Variants in SCARB2 observed in about 807,000 individuals in gnomAD.
SCARB2 encodes the protein lysosome membrane protein 2.
Under a neutral mutation model 58.6 loss-of-function variants are expected in SCARB2, and 29 were observed. The ratio of observed to expected loss-of-function variants is 0.49; its 90% CI spans 0.37 to 0.67. The LOEUF is 0.67. Ranked by LOEUF, SCARB2 falls within the 30% of genes least tolerant of loss-of-function variation. The pLI, the probability that SCARB2 is intolerant of heterozygous loss-of-function variation, is 0.00. For missense variants in SCARB2, 488 were observed against 578.5 expected (o/e 0.84, Z 1.60); for synonymous variants, 195 against 210.1 (o/e 0.93, Z 0.62).
rs1732065465 is a variant in SCARB2 at position 76,168,685 on chromosome 4, A to G, written c.1114-209T>C. On this transcript the variant is annotated intron_variant, in intron 8 of 11. Transcript: ENST00000264896. ...TGGCTGATAGACCAGTGTGTCTCAA[A>G]CATGAGTATGAATGTAGGTCCTTGG... Among the ~76,000 whole-genome samples the G allele has an allele frequency of 2.0e-5, 3 of 152,344 alleles. No individual in the cohort carries two copies. The South Asian group carries it at 6.2e-4, about 32-fold the overall frequency.
At chr4:76,224,910 C>A (rs1328207159) in intron 1 of SCARB2, among the ~76,000 whole-genome samples, 1 of 152,010 alleles carries the variant, frequency 6.6e-6, no homozygotes, top group Non-Finnish European at 1.5e-5. Context: ...GCCTCCTACC[C>A]TTCCCCCCAA....
At chr4:76,216,678 G>A (rs183892589), upstream of SCARB2, among the ~76,000 whole-genome samples, 1 of 152,284 alleles carries the variant, frequency 6.6e-6, no homozygotes, top group East Asian at 1.9e-4. Context: ...TGCTCTCTGA[G>A]GATCTCACTC....
rs992486014 is a variant in SCARB2, at chr4:76,160,742, A to G, written c.*971T>C. Reference sequence around the variant, plus strand: ...ATCAGACTTTCTGAAACTTATGTGTAACTTAGGCTGTAGATAGATGGATTT... The same window carrying G: ...ATCAGACTTTCTGAAACTTATGTGTGACTTAGGCTGTAGATAGATGGATTT... On this transcript the variant is annotated 3_prime_UTR_variant, in exon 12 of 12. Transcript: ENST00000264896. 4 of 152,218 alleles carry G rather than the reference A, an allele frequency of 2.6e-5. No individual in the cohort carries two copies. The highest frequency in any genetic ancestry group is 5.9e-5 in the Non-Finnish European group (4 of 68,034). The allele number at this position is 152,218 out of a possible 1,614,324, so 9.4% of individuals were successfully genotyped here. A position where few individuals can be genotyped will look rare whatever the true frequency, so the allele number is the denominator to read the frequency against.
chr4:76,182,062 T>C (rs560779358), intron 2 of SCARB2, among the ~76,000 whole-genome samples: 1 of 152,242 alleles, frequency 6.6e-6, no homozygotes, highest in Admixed American at 6.5e-5. Context: ...TGCCAAAAAT[T>C]TATGATGAAC....
intron 8 of SCARB2, among the ~76,000 whole-genome samples, chr4:76,169,341 C>CA (rs3217498): frequency 6.6e-6 from 1 of 151,124 alleles, no homozygotes; most frequent in Admixed American, 6.6e-5. Flanking sequence ...CACACACACA[C>CA]GTGTGTATGT....
At chr4:76,200,377 C>T (rs933639352) in intron 1 of SCARB2, among the ~76,000 whole-genome samples, 19 of 152,308 alleles carry the variant, frequency 1.2e-4, no homozygotes, top group African/African-American at 4.3e-4. Flanking sequence ...AATTTTTCCA[C>T]GCACAATACT....
At chr4:76,165,503 A>G (rs539235115) in intron 10 of SCARB2, 1 of 152,216 alleles carries the variant, frequency 6.6e-6, no homozygotes, top group Admixed American at 6.5e-5. Context: ...TTTTATAAAG[A>G]GCACATGTTT....
intron 1 of SCARB2, among the ~76,000 whole-genome samples, chr4:76,197,695 A>C (rs564627085): frequency 2.0e-5 from 3 of 152,190 alleles, no homozygotes; most frequent in Non-Finnish European, 4.4e-5. Flanking sequence ...TACTGTAAAA[A>C]CGGCTGAAAT....
intron 1 of SCARB2, among the ~76,000 whole-genome samples, chr4:76,198,907 G>A (rs965352145): frequency 3.9e-4 from 59 of 151,760 alleles, no homozygotes; most frequent in African/African-American, 1.3e-3. Context: ...GAAGAGAGAT[G>A]GGGAATGAGA....
chr4:76,213,529 G>C lies in SCARB2; in HGVS notation c.15C>G (p.Cys5Trp), dbSNP rs1197894388. The part of the protein sequence containing the change: MGRC[C>W]FYTAGTLSLL... ...GGGACAACGTCCCCGCCGTGTAGAA[G>C]CAGCATCGGCCCATTCTGTGCGCCG... Residue 5 changes from cysteine to tryptophan, a missense_variant, in exon 1 of 12, where the codon TGC becomes TGG. Transcript: ENST00000264896. The C allele has an allele frequency of 6.2e-7, 1 of 1,609,936 alleles. No individual in the cohort carries two copies. Among genetic ancestry groups the C allele is most frequent in the South Asian group, 1.1e-5 (1 of 90,254 alleles).
At chr4:76,162,946 A>G (rs546103067) in intron 11 of SCARB2, 1 of 595,492 alleles carries the variant, frequency 1.7e-6, no homozygotes, top group African/African-American at 1.9e-5. Context: ...CTTTCAGGTT[A>G]TTGTTTTCAA....
chr4:76,223,347 T>A (rs1269564161), intron 1 of SCARB2, among the ~76,000 whole-genome samples: 1 of 152,172 alleles, frequency 6.6e-6, no homozygotes, highest in African/African-American at 2.4e-5. Context: ...ATCTGCATCC[T>A]GGGGAGTGGT....
At chr4:76,225,655 T>C (rs770845793) in intron 1 of SCARB2, among the ~76,000 whole-genome samples, 20 of 152,254 alleles carry the variant, frequency 1.3e-4, no homozygotes, top group Admixed American at 1.1e-3. Context: ...CAAATGATCT[T>C]TGTTTTTAAT....
chr4:76,180,456 G>C (rs1357305828), intron 3 of SCARB2: 1 of 152,750 alleles, frequency 6.5e-6, no homozygotes, highest in East Asian at 1.9e-4. Flanking sequence ...TCGTTATTAG[G>C]TAGAATTACC....
chr4:76,234,100 G>A (rs1178249756), intron 1 of SCARB2, among the ~76,000 whole-genome samples: 1 of 152,186 alleles, frequency 6.6e-6, no homozygotes, highest in Non-Finnish European at 1.5e-5. Context: ...GCGGCACCTT[G>A]GGCCATGTGT....
Position 76,185,935 on chromosome 4 carries a change from T to C in SCARB2, c.276-4834A>G, listed in dbSNP as rs995245371. 5.9e-5 allele frequency among the ~76,000 whole-genome samples: 9 copies of C among 152,346 alleles called. No individual in the cohort carries two copies. In the East Asian group the frequency reaches 1.2e-3, roughly 20 times the overall value. ...ATAACGTACTCACCTTGTAGGGTTGTTGTGAGAATGAAATCCACATAAATC... is the reference window on the plus strand; with the variant it reads ...ATAACGTACTCACCTTGTAGGGTTGCTGTGAGAATGAAATCCACATAAATC... On this transcript the variant is annotated intron_variant, in intron 2 of 11. Transcript: ENST00000264896.
Position 76,213,438 on chromosome 4 carries a change from T to G in SCARB2, c.106A>C (p.Ser36Arg), listed in dbSNP as rs765129378. 10 of 1,609,328 alleles carry G rather than the reference T, an allele frequency of 6.2e-6. No individual in the cohort carries two copies. The East Asian group carries it at 2.2e-4, about 36-fold the overall frequency. Residue 36 changes from serine (S) to arginine (R), a missense_variant, in exon 1 of 12, where the codon AGT becomes CGT. Coordinates refer to ENST00000264896, the MANE Select transcript of SCARB2 (RefSeq NM_005506.4). ...CCGCCCCGCCTCACCTTCTCGATACTCTGGTCTACAGCCTTCTGGAAGACC... is the reference window on the plus strand; with the variant it reads ...CCGCCCCGCCTCACCTTCTCGATACGCTGGTCTACAGCCTTCTGGAAGACC... ...ARVFQKAVDQ[S>R]IEKKIVLRNG...
chr4:76,174,033 G>A, intron 7 of SCARB2, 111 bp downstream of exon 7: 1 of 1,345,784 alleles, frequency 7.4e-7, no homozygotes, highest in South Asian at 1.2e-5. Context: ...AGCATCCTTA[G>A]TAGCTGGGAC....
chr4:76,184,727 A>G (rs1219514954), intron 2 of SCARB2: 1 of 337,686 alleles, frequency 3.0e-6, no homozygotes, highest in Non-Finnish European at 5.7e-6. Context: ...CGTTACAGTG[A>G]GCTATGATCA....
Sources: allele counts gnomAD v4.1 joint callset (sites outside exome capture counted in the v4.1 genomes callset), GRCh38; gene constraint gnomAD v4.1.1; transcripts MANE v1.5; gene names NCBI Gene and HGNC (gene_info 2026-07-23, HGNC 2026-07-21).